Variants in ADGRF4 observed in about 807,000 individuals in gnomAD.
ADGRF4 encodes G-protein coupled receptor PGR18.
A neutral mutation model predicts 58.5 loss-of-function variants in ADGRF4; 63 were observed. That is an observed-to-expected ratio of 1.08 (90% CI 0.88 to 1.33). ADGRF4 has a LOEUF of 1.33. ADGRF4 is among the 40% of genes most tolerant of loss of function. ADGRF4 has a pLI of 0.00. For missense variants in ADGRF4, 931 were observed against 843.9 expected (o/e 1.10, Z -1.28); for synonymous variants, 313 against 295.4 (o/e 1.06, Z -0.61).
chr6:47,700,813 G>A (rs918907376), intron 1 of ADGRF4, among the ~76,000 whole-genome samples: 1 of 152,170 alleles, frequency 6.6e-6, no homozygotes, highest in Non-Finnish European at 1.5e-5. Flanking sequence ...AACTTCAGAT[G>A]CTGATGTCAC....
At chr6:47,701,829 T>C (rs1295742988) in intron 1 of ADGRF4, among the ~76,000 whole-genome samples, 1 of 152,188 alleles carries the variant, frequency 6.6e-6, no homozygotes, top group Non-Finnish European at 1.5e-5. Context: ...TGATTACTTA[T>C]TTATTTTTAT....
chr6:47,710,972 C>T, intron 4 of ADGRF4, 86 bp downstream of exon 4: 1 of 1,282,852 alleles, frequency 7.8e-7, no homozygotes, highest in Non-Finnish European at 1.1e-6. Flanking sequence ...TTCAGCATGA[C>T]AAAAAGTCTC....
Position 47,712,568 on chromosome 6 carries a change from CTA to C in ADGRF4, c.513_514del (p.Thr172ArgfsTer4). On this transcript the variant is annotated frameshift_variant, in exon 5 of 10. Transcript: ENST00000283303. LOFTEE classifies it high-confidence loss of function. ...ATAGTGGAGTTATTAAAAAATATTT[CTA>C]CAGACTTGTCTGATAATGTTACTCG... The C allele has an allele frequency of 6.3e-7, 1 of 1,590,634 alleles. No homozygotes were observed. Among genetic ancestry groups the C allele is most frequent in the Non-Finnish European group, 8.6e-7 (1 of 1,158,626 alleles).
At chr6:47,716,169 C>A (rs1397664492) in intron 6 of ADGRF4, among the ~76,000 whole-genome samples, 3 of 152,026 alleles carry the variant, frequency 2.0e-5, no homozygotes. Flanking sequence ...AAGAAAAATA[C>A]CCAAATGCTT....
At chr6:47,718,315 T>C (rs1772078620) in intron 8 of ADGRF4, 74 bp from the exon 9 acceptor site, 1 of 824,806 alleles carries the variant, frequency 1.2e-6, no homozygotes, top group Non-Finnish European at 2.2e-6. Context: ...TTCACATATT[T>C]ATCTCTAGAG....
chr6:47,705,095 AT>A (rs534520108), intron 1 of ADGRF4, among the ~76,000 whole-genome samples: 1 of 152,026 alleles, frequency 6.6e-6, no homozygotes, highest in African/African-American at 2.4e-5. Context: ...CACTTGGCTA[AT>A]TTTTTGTATT....
chr6:47,721,845 A>G lies in ADGRF4; in HGVS notation c.*640A>G, dbSNP rs1404746334. ...AAACTAATTTAGCTTCTAGGATCCA[A>G]GTTTCCTTATTTGTGAAACAGGAAA... On this transcript the variant is annotated 3_prime_UTR_variant, in exon 10 of 10. Coordinates refer to ENST00000283303, the MANE Select transcript of ADGRF4 (RefSeq NM_153838.5). 11 of 151,506 alleles carry G rather than the reference A, an allele frequency of 7.3e-5. No homozygotes were observed. The East Asian group carries it at 2.1e-3, about 29-fold the overall frequency. The allele number at this position is 151,506 out of a possible 1,614,324, so 9.4% of individuals were successfully genotyped here.
In ADGRF4 at chr6:47,710,880, C is replaced by A; in HGVS notation, c.294C>A (p.Leu98=). 6.2e-7 allele frequency: 1 copy of A among 1,609,862 alleles called. No homozygotes were observed. Among genetic ancestry groups the A allele is most frequent in the Non-Finnish European group, 8.5e-7 (1 of 1,178,964 alleles). The part of the protein sequence containing the change: ...ETCTSLSVEK[L]FKDSTGASRL... ...GTACAAGCCTTTCTGTGGAAAAACTCTTTAAGGTGATGCATTCACAAATTA... is the reference window on the plus strand; with the variant it reads ...GTACAAGCCTTTCTGTGGAAAAACTATTTAAGGTGATGCATTCACAAATTA... Residue 98 remains leucine, a synonymous_variant, in exon 4 of 10, where the codon CTC becomes CTA. Coordinates refer to ENST00000283303, the MANE Select transcript of ADGRF4 (RefSeq NM_153838.5).
intron 9 of ADGRF4, among the ~76,000 whole-genome samples, chr6:47,719,128 A>G (rs1225418144): frequency 6.6e-6 from 1 of 152,174 alleles, no homozygotes; most frequent in Non-Finnish European, 1.5e-5. Flanking sequence ...CATCCTTTTT[A>G]TATTTCTTTC....
Position 47,698,701 on chromosome 6 carries a change from G to A in ADGRF4, c.-110G>A, listed in dbSNP as rs181513561. 1.3e-5 allele frequency: 2 copies of A among 152,352 alleles called. No individual in the cohort carries two copies. The highest frequency in any genetic ancestry group is 2.4e-5 in the African/African-American group (1 of 41,566). The allele number at this position is 152,352 out of a possible 1,614,324, so 9.4% of individuals were successfully genotyped here. ...GACCAGGGACCGTGGGAGGTGCCAC[G>A]TGATGGTGAGGCATCATGCTAGGGA... is the stretch of plus-strand genomic sequence containing the variant. On this transcript the variant is annotated 5_prime_UTR_variant, in exon 1 of 10. The change creates a new upstream start codon in the 5' untranslated region. Coordinates refer to ENST00000283303, the MANE Select transcript of ADGRF4 (RefSeq NM_153838.5).
At chr6:47,703,732 ATATATATTT>A (rs1286935463) in intron 1 of ADGRF4, among the ~76,000 whole-genome samples, 3 of 152,212 alleles carry the variant, frequency 2.0e-5, no homozygotes, top group Non-Finnish European at 2.9e-5. Context: ...TTCATATTAC[ATATATATTT>A]TATGCTAGTA....
chr6:47,711,916 G>A (rs1446133846), intron 4 of ADGRF4, among the ~76,000 whole-genome samples: 1 of 152,146 alleles, frequency 6.6e-6, no homozygotes, highest in South Asian at 2.1e-4. Flanking sequence ...TTCTGAGTGA[G>A]TCTAGGTAAA....
chr6:47,711,423 C>T (rs920213651), intron 4 of ADGRF4, among the ~76,000 whole-genome samples: 1 of 152,158 alleles, frequency 6.6e-6, no homozygotes, highest in Non-Finnish European at 1.5e-5. Flanking sequence ...CCACCACACC[C>T]AGCTAATTTT....
rs1771941502 is a variant in ADGRF4 at position 47,714,176 on chromosome 6, A to C, written c.931A>C (p.Ser311Arg). The change falls in exon 6 of 10, where the codon AGT (serine) becomes CGT (arginine). Residue 311 changes from serine (S) to arginine (R), a missense_variant. Physicochemically the swap from Ser to Arg is moderately radical, Grantham distance 110. Coordinates refer to ENST00000283303, the MANE Select transcript of ADGRF4 (RefSeq NM_153838.5). ...GAGAGAAGCCCACTTGCAAAATGTG[A>C]GTCTTCCCAGACAGGTAAATGGTCT... ...ILREAHLQNV[S>R]LPRQVNGLVL... The C allele has an allele frequency of 3.1e-6, 5 of 1,613,984 alleles. No homozygotes were observed. In the Admixed American group the frequency reaches 8.3e-5, roughly 27 times the overall value.
chr6:47,716,893 G>T (rs1772032789), intron 7 of ADGRF4, 46 bp downstream of exon 7: 4 of 1,331,950 alleles, frequency 3.0e-6, no homozygotes, highest in African/African-American at 2.9e-5. Context: ...TCATGTGGCT[G>T]GGGGAAGCAG....
At chr6:47,710,216 A>T (rs1046615637) in intron 3 of ADGRF4, among the ~76,000 whole-genome samples, 3 of 152,218 alleles carry the variant, frequency 2.0e-5, no homozygotes, top group Admixed American at 2.0e-4. Flanking sequence ...GTGACTTTAT[A>T]GACCATACCT....
intron 9 of ADGRF4, 76 bp downstream of exon 9, chr6:47,718,521 A>G (rs1772086036): frequency 1.2e-6 from 1 of 838,334 alleles, no homozygotes; most frequent in African/African-American, 1.7e-5. Context: ...TGACCACACT[A>G]TTGCCTGCTA....
rs888573107 is a variant in ADGRF4 at position 47,698,752 on chromosome 6, T to A, written c.-59T>A. On this transcript the variant is annotated 5_prime_UTR_variant, in exon 1 of 10. An upstream open reading frame in the 5' UTR loses its in-frame stop. Transcript: ENST00000283303. ...GCTGAGCTCTGACCTTCCTGCTGGG[T>A]GATTCTCCACCTCTGGGCTGCTAGA... is the stretch of plus-strand genomic sequence containing the variant. 2.6e-5 allele frequency: 4 copies of A among 152,248 alleles called. No homozygotes were observed. Among genetic ancestry groups the A allele is most frequent in the African/African-American group, 9.6e-5 (4 of 41,452 alleles). The allele number at this position is 152,248 out of a possible 1,614,324, so 9.4% of individuals were successfully genotyped here.
rs1286353263 is a variant in ADGRF4 at position 47,721,217 on chromosome 6, A to G, written c.*12A>G. 3.3e-5 allele frequency: 5 copies of G among 152,274 alleles called. No individual in the cohort carries two copies. The East Asian group carries it at 9.6e-4, about 29-fold the overall frequency. The allele number at this position is 152,274 out of a possible 1,614,324, so 9.4% of individuals were successfully genotyped here. A position where few individuals can be genotyped will look rare whatever the true frequency, so the allele number is the denominator to read the frequency against. ...TCAACCATATTTCCCAGGCTGCCCC[A>G]TTTCTCATGGATGTCCTGAGACCAA... On this transcript the variant is annotated 3_prime_UTR_variant, in exon 10 of 10. Coordinates refer to ENST00000283303, the MANE Select transcript of ADGRF4 (RefSeq NM_153838.5).
Sources: gnomAD v4.1 joint callset for allele counts (sites outside exome capture counted in the v4.1 genomes callset) on GRCh38, gnomAD v4.1.1 for gene constraint, MANE v1.5 for transcripts, NCBI Gene and HGNC (gene_info 2026-07-23, HGNC 2026-07-21) for gene names.